Variants in BPTF observed in about 807,000 individuals in gnomAD.
BPTF encodes the protein nucleosome-remodeling factor subunit BPTF.
A neutral mutation model predicts 292.5 loss-of-function variants in BPTF; 18 were observed. That is an observed-to-expected ratio of 0.06 (90% CI 0.04 to 0.09). The LOEUF (loss-of-function observed/expected upper bound fraction) is 0.09, where lower values mean the gene tolerates loss of function less well. Ranked by LOEUF, BPTF falls within the 10% of genes least tolerant of loss-of-function variation. The probability of loss-of-function intolerance (pLI) is 1.00; values close to 1 mark genes in which losing one functional copy is unlikely to be tolerated. For missense variants in BPTF, 2,726 were observed against 3,498.7 expected, an observed-to-expected ratio of 0.78 and a Z score of 5.57; for synonymous variants, 1,225 against 1,251.9, an observed-to-expected ratio of 0.98 and a Z score of 0.45.
rs1322313813 is a variant in BPTF, at chr17:67,912,662, C to T, written c.4778C>T (p.Ser1593Phe). The change falls in exon 11 of 28, where the codon TCC (serine) becomes TTC (phenylalanine). Residue 1593 changes from serine (S) to phenylalanine (F), a missense_variant. Ser to Phe is a radical substitution (Grantham distance 155). Around this residue, in one of 22 missense-constraint regions of BPTF, gnomAD observed 144 missense variants for 177.2 expected, o/e 0.81. Transcript: ENST00000306378. The part of the protein sequence containing the change: ...TVITEVTTMT[S>F]TVATESKTVI... Reference sequence around the variant, plus strand: ...ATCACAGAAGTCACCACGATGACCTCCACAGTGGCCACAGAATCAAAAACT... The same window carrying T: ...ATCACAGAAGTCACCACGATGACCTTCACAGTGGCCACAGAATCAAAAACT... 1 of 1,614,002 alleles carries T rather than the reference C, an allele frequency of 6.2e-7. No homozygotes were observed. The highest frequency in any genetic ancestry group is 2.2e-5 in the East Asian group (1 of 44,890).
rs2070523403 is a variant in BPTF, at chr17:67,982,372, G to A, written c.*84G>A. ...TAAATTAAGGAGCCAGATGTTTTTA[G>A]TCAGGCTATCCTGACAAGACTTGAC... On this transcript the variant is annotated 3_prime_UTR_variant, in exon 28 of 28. Coordinates refer to ENST00000306378, the MANE Select transcript of BPTF (RefSeq NM_182641.4). The A allele has an allele frequency of 3.4e-5, 45 of 1,323,044 alleles. No homozygotes were observed. Among genetic ancestry groups the A allele is most frequent in the Non-Finnish European group, 4.9e-5 (45 of 925,888 alleles). The allele number at this position is 1,323,044 out of a possible 1,614,324, so 82.0% of individuals were successfully genotyped here. A position where few individuals can be genotyped will look rare whatever the true frequency, so the allele number is the denominator to read the frequency against.
At chr17:67,837,315 G>T (rs977185721) in intron 1 of BPTF, among the ~76,000 whole-genome samples, 2 of 152,126 alleles carry the variant, frequency 1.3e-5, no homozygotes, top group Non-Finnish European at 2.9e-5. Context: ...ACTGGGATTG[G>T]ATTGTTGCAT....
chr17:67,851,686 G>A (rs1200937205), intron 1 of BPTF, among the ~76,000 whole-genome samples: 1 of 152,058 alleles, frequency 6.6e-6, no homozygotes, highest in African/African-American at 2.4e-5. Context: ...CAGGTGTGCA[G>A]GCTGTTCAGT....
At chr17:67,843,728 A>AT (rs1333429560) in intron 1 of BPTF, among the ~76,000 whole-genome samples, 2 of 117,668 alleles carry the variant, frequency 1.7e-5, no homozygotes, top group African/African-American at 6.7e-5. Context: ...TGATAATGAG[A>AT]TTTTTAAATT....
intron 1 of BPTF, among the ~76,000 whole-genome samples, chr17:67,843,461 C>T (rs2057740809): frequency 2.0e-5 from 3 of 150,378 alleles, no homozygotes; most frequent in Admixed American, 2.0e-4. Context: ...CCTCCTCAGC[C>T]TCTCAAAGTG....
At chr17:67,894,353 G>C (rs2061311000) in intron 7 of BPTF, among the ~76,000 whole-genome samples, 188 bp downstream of exon 7, 1 of 151,690 alleles carries the variant, frequency 6.6e-6, no homozygotes, top group Non-Finnish European at 1.5e-5. Flanking sequence ...TTTTGAGACA[G>C]AGTCTTGCAC....
chr17:67,916,042 A>G (rs1212006963), intron 11 of BPTF, among the ~76,000 whole-genome samples: 1 of 152,146 alleles, frequency 6.6e-6, no homozygotes, highest in African/African-American at 2.4e-5. Flanking sequence ...GTGACACTAA[A>G]GATCTCTAGG....
chr17:67,839,833 T>C (rs2057413045), intron 1 of BPTF, among the ~76,000 whole-genome samples: 2 of 152,222 alleles, frequency 1.3e-5, no homozygotes, highest in South Asian at 4.1e-4. Flanking sequence ...CTGGGTTGTA[T>C]GTTTATGAGA....
At chr17:67,879,647 A>G (rs1364242274) in intron 4 of BPTF, among the ~76,000 whole-genome samples, 1 of 152,162 alleles carries the variant, frequency 6.6e-6, no homozygotes, top group African/African-American at 2.4e-5. Context: ...ACTGTACAAG[A>G]AGCATGGTAC....
intron 2 of BPTF, among the ~76,000 whole-genome samples, chr17:67,863,991 A>G (rs555811751): frequency 6.6e-6 from 1 of 152,234 alleles, no homozygotes; most frequent in African/African-American, 2.4e-5. Context: ...TTGCCACCCT[A>G]TGAGTCCTTG....
chr17:67,976,685 C>CAAAAAAAAAAAAA (rs1156404121), intron 27 of BPTF, among the ~76,000 whole-genome samples: 3 of 24,824 alleles, frequency 1.2e-4, no homozygotes, highest in African/African-American at 3.1e-4. Context: ...GACCCTGTCT[C>CAAAAAAAAAAAAA]AAAAAAAAAA....
At chr17:67,938,103 G>A (rs1042005003) in intron 18 of BPTF, among the ~76,000 whole-genome samples, 1 of 152,188 alleles carries the variant, frequency 6.6e-6, no homozygotes, top group Non-Finnish European at 1.5e-5. Context: ...AGACTTCACA[G>A]ACCCTCGGAG....
At chr17:67,975,001 G>A (rs1005136714) in intron 26 of BPTF, 24 of 152,266 alleles carry the variant, frequency 1.6e-4, no homozygotes, top group African/African-American at 5.5e-4. Context: ...TCTTTCCGGT[G>A]ACCAGCCCCA....
chr17:67,933,666 C>G (rs2064630467), intron 18 of BPTF, among the ~76,000 whole-genome samples: 1 of 152,066 alleles, frequency 6.6e-6, no homozygotes. Flanking sequence ...AAAAGCAAAA[C>G]TATTTGAAAT....
rs56335701 is a variant in BPTF at position 67,843,754 on chromosome 17, C to CTTTTTTTTTTTTTTTTTTT, written c.614-10176_614-10158dup. Among the ~76,000 whole-genome samples the CTTTTTTTTTTTTTTTTTTT allele has an allele frequency of 3.7e-4, 23 of 62,222 alleles. 3 individuals carry two copies. The highest frequency in any genetic ancestry group is 1.7e-3 in the African/African-American group (20 of 11,920). 40.8% of individuals were successfully genotyped at this position (62,222 alleles called of 152,430 possible). A position where few individuals can be genotyped will look rare whatever the true frequency, so the allele number is the denominator to read the frequency against. Reference sequence around the variant, plus strand: ...TTTTTAAATTGTCTGGAGCAGTTGTCTTTTTTTTTTTTTTTTTTTTTTTTT... The same window carrying CTTTTTTTTTTTTTTTTTTT: ...TTTTTAAATTGTCTGGAGCAGTTGTCTTTTTTTTTTTTTTTTTTTTTTTTTTTTTTTTTTTTTTTTTTTT... On this transcript the variant is annotated intron_variant, in intron 1 of 27. Transcript: ENST00000306378.
intron 6 of BPTF, 92 bp from the exon 7 acceptor site, chr17:67,893,942 G>A: frequency 6.8e-7 from 1 of 1,465,136 alleles, no homozygotes; most frequent in Non-Finnish European, 9.4e-7. Context: ...CTTTATACCT[G>A]GAATCAGATG....
At chr17:67,842,421 A>G (rs549751020) in intron 1 of BPTF, among the ~76,000 whole-genome samples, 1 of 152,168 alleles carries the variant, frequency 6.6e-6, no homozygotes, top group Non-Finnish European at 1.5e-5. Context: ...TCCCCTAATT[A>G]TCAGTTGTCT....
chr17:67,963,169 C>T (rs1334735304), intron 24 of BPTF, among the ~76,000 whole-genome samples: 1 of 152,154 alleles, frequency 6.6e-6, no homozygotes, highest in Non-Finnish European at 1.5e-5. Context: ...GCATCAGATA[C>T]TGGAGTTTGC....
Position 67,944,338 on chromosome 17 carries a change from C to T in BPTF, c.6666C>T (p.Ser2222=), listed in dbSNP as rs782310628. ...TPLATTATTA[S]TTTTTVSTTA... ...TGGCAACAACAGCCACCACAGCCAGCACCACCACCACCACTGTTTCCACGA... is the reference window on the plus strand; with the variant it reads ...TGGCAACAACAGCCACCACAGCCAGTACCACCACCACCACTGTTTCCACGA... Residue 2222 remains serine (S), a synonymous_variant, in exon 20 of 28, where the codon AGC becomes AGT. Coordinates refer to ENST00000306378, the MANE Select transcript of BPTF (RefSeq NM_182641.4). 3 of 1,612,320 alleles carry T rather than the reference C, an allele frequency of 1.9e-6. No homozygotes were observed. The highest frequency in any genetic ancestry group is 2.7e-5 in the African/African-American group (2 of 75,020).
Sources: allele counts gnomAD v4.1 joint callset (sites outside exome capture counted in the v4.1 genomes callset), GRCh38; gene constraint gnomAD v4.1.1; regional missense constraint gnomAD v4.1.1; transcripts MANE v1.5; gene names NCBI Gene and HGNC (gene_info 2026-07-23, HGNC 2026-07-21).